NLRP14: variants seen among roughly 807,000 people sequenced by gnomAD.
NLRP14 encodes the protein NACHT, LRR and PYD domains-containing protein 14.
In NLRP14, 105 loss-of-function variants were observed where a neutral mutation model predicts 94.7. That is an observed-to-expected ratio of 1.11 (90% CI 0.95 to 1.30). The LOEUF (loss-of-function observed/expected upper bound fraction) is 1.30. Among genes scored for constraint, NLRP14 ranks in the 50% most tolerant of loss-of-function variants. The pLI, the probability that NLRP14 is intolerant of heterozygous loss-of-function variation, is 0.00. For missense variants in NLRP14, 1,362 were observed against 1,254.1 expected (o/e 1.09, Z -1.30); for synonymous variants, 508 against 459.9 (o/e 1.10, Z -1.34).
chr11:7,071,261 T>TAAC lies in NLRP14; in HGVS notation c.3235_3236insAAC (p.Cys1079delinsTer). 1 of 1,613,320 alleles carries TAAC rather than the reference T, an allele frequency of 6.2e-7. No individual in the cohort carries two copies. The highest frequency in any genetic ancestry group is 1.1e-5 in the South Asian group (1 of 91,028). On this transcript the variant is annotated stop_gained, in exon 12 of 12. Transcript: ENST00000299481. LOFTEE classifies it low-confidence loss of function (END_TRUNC). ...TCCACACTTAATCATTAAGCCAGAT[T>TAAC]GTAACTATCATAATGAAGAAGATGT...
intron 1 of NLRP14, among the ~76,000 whole-genome samples, chr11:7,029,926 T>A (rs1013787899): frequency 2.0e-5 from 3 of 152,216 alleles, no homozygotes; most frequent in African/African-American, 7.2e-5. Flanking sequence ...GTCCTTAGTA[T>A]CAGTTGCCTA....
intron 1 of NLRP14, among the ~76,000 whole-genome samples, chr11:7,021,293 AG>A (rs1851928744): frequency 6.6e-6 from 1 of 152,222 alleles, no homozygotes; most frequent in Admixed American, 6.5e-5. Context: ...TGCTTAAACC[AG>A]CCCCTTGCAC....
At chr11:7,040,368 C>T (rs139066150) in intron 3 of NLRP14, among the ~76,000 whole-genome samples, 56 of 152,306 alleles carry the variant, frequency 3.7e-4, no homozygotes, top group African/African-American at 1.1e-3. Flanking sequence ...CATAGGAGCA[C>T]GAACCCTATT....
At chr11:7,051,134 C>A (rs1852436253) in intron 6 of NLRP14, among the ~76,000 whole-genome samples, 1 of 152,130 alleles carries the variant, frequency 6.6e-6, no homozygotes, top group Non-Finnish European at 1.5e-5. Flanking sequence ...AATAGGAAAC[C>A]ATCTTTCTGG....
At chr11:7,048,113 T>C (rs1265353474) in intron 5 of NLRP14, among the ~76,000 whole-genome samples, 1 of 152,204 alleles carries the variant, frequency 6.6e-6, no homozygotes, top group African/African-American at 2.4e-5. Flanking sequence ...TCCATTTTGT[T>C]GCAACTTTTA....
chr11:7,052,913 A>G (rs117967423), intron 6 of NLRP14, among the ~76,000 whole-genome samples: 4,711 of 152,276 alleles, frequency 0.031, 97 homozygotes, highest in Middle Eastern at 0.068. Flanking sequence ...TGGGAAGACT[A>G]CCAGCAAGCA....
chr11:7,049,629 G>T (rs373293385), intron 5 of NLRP14, 42 bp from the exon 6 acceptor site: 7 of 1,395,840 alleles, frequency 5.0e-6, no homozygotes, highest in Admixed American at 1.7e-5. Flanking sequence ...ACCAAGGAGA[G>T]AAATGGTTTT....
At chr11:7,035,725 C>T (rs1852151641) in intron 1 of NLRP14, among the ~76,000 whole-genome samples, 1 of 152,140 alleles carries the variant, frequency 6.6e-6, no homozygotes, top group South Asian at 2.1e-4. Flanking sequence ...GTGAGATTCC[C>T]TTCTCCCTTT....
intron 5 of NLRP14, among the ~76,000 whole-genome samples, chr11:7,048,198 C>G (rs1273144761): frequency 6.6e-6 from 1 of 152,144 alleles, no homozygotes; most frequent in Non-Finnish European, 1.5e-5. Context: ...TATTCATTCT[C>G]TTGTTAATAG....
Position 7,049,726 on chromosome 11 carries a change from C to T in NLRP14, c.2179C>T (p.His727Tyr). 6.2e-7 allele frequency: 1 copy of T among 1,612,084 alleles called. No homozygotes were observed. Among genetic ancestry groups the T allele is most frequent in the South Asian group, 1.1e-5 (1 of 91,052 alleles). ...GCQDISTSLI[H>Y]NKNLMHLDLK... Reference sequence around the variant, plus strand: ...TCAGGATATCTCTACTTCTTTGATTCATAACAAGAATCTGATGCATCTTGA... The same window carrying T: ...TCAGGATATCTCTACTTCTTTGATTTATAACAAGAATCTGATGCATCTTGA... The change falls in exon 6 of 12, where the codon CAT becomes TAT. Residue 727 changes from histidine to tyrosine, a missense_variant. Coordinates refer to ENST00000299481, the MANE Select transcript of NLRP14 (RefSeq NM_176822.4).
At chr11:7,026,111 TA>T (rs1281577229) in intron 1 of NLRP14, among the ~76,000 whole-genome samples, 1 of 152,180 alleles carries the variant, frequency 6.6e-6, no homozygotes, top group African/African-American at 2.4e-5. Flanking sequence ...ACTTCATGTC[TA>T]AAACACCAAA....
downstream of NLRP14, among the ~76,000 whole-genome samples, chr11:7,074,849 T>A (rs1852855032): frequency 6.6e-6 from 1 of 152,210 alleles, no homozygotes; most frequent in Non-Finnish European, 1.5e-5. Flanking sequence ...GTCAGTGAAA[T>A]TAATGATTAT....
the NLRP14 span, among the ~76,000 whole-genome samples, chr11:7,077,865 G>A: frequency 1.3e-5 from 2 of 152,138 alleles, no homozygotes; most frequent in Non-Finnish European, 2.9e-5. Context: ...TTTGGGTGGG[G>A]ACACAGCCAA....
the NLRP14 span, chr11:7,089,959 G>A: frequency 5.0e-6 from 8 of 1,613,072 alleles, no homozygotes; most frequent in African/African-American, 1.3e-5. Flanking sequence ...GGCTCCCATC[G>A]AGAGCCCTTT....
rs10769762 is a variant in NLRP14 at position 7,070,126 on chromosome 11, A to C, written c.2976-160A>C. Among the ~76,000 whole-genome samples, 98,985 of 152,032 alleles carry C rather than the reference A, an allele frequency of 0.65. 32,892 individuals carry two copies. Among genetic ancestry groups the C allele is most frequent in the East Asian group, 0.93 (4,803 of 5,182 alleles). ...TTCAGCCTAGAAATATCTGGTAATA[A>C]TGAATATTATAGGTACTTATAGTCC... On this transcript the variant is annotated intron_variant, in intron 10 of 11. Coordinates refer to ENST00000299481, the MANE Select transcript of NLRP14 (RefSeq NM_176822.4).
intron 10 of NLRP14, among the ~76,000 whole-genome samples, chr11:7,067,825 G>A (rs1439122771): frequency 6.6e-6 from 1 of 152,096 alleles, no homozygotes; most frequent in African/African-American, 2.4e-5. Context: ...GAGTTCAGGA[G>A]TGTTTCTTAT....
At chr11:7,050,654 A>G (rs190222816) in intron 6 of NLRP14, among the ~76,000 whole-genome samples, 3 of 152,342 alleles carry the variant, frequency 2.0e-5, no homozygotes, top group Admixed American at 2.0e-4. Flanking sequence ...ATCCAGGTGT[A>G]GGAAAAATAA....
At chr11:7,048,186 T>C (rs1852388238) in intron 5 of NLRP14, among the ~76,000 whole-genome samples, 1 of 152,252 alleles carries the variant, frequency 6.6e-6, no homozygotes. Flanking sequence ...CTATAATTTG[T>C]TTATTCATTC....
Position 7,042,846 on chromosome 11 carries a change from G to C in NLRP14, c.820G>C (p.Ala274Pro). 2 of 1,614,188 alleles carry C rather than the reference G, an allele frequency of 1.2e-6. No homozygotes were observed. Among genetic ancestry groups the C allele is most frequent in the Non-Finnish European group, 8.5e-7 (1 of 1,180,034 alleles). ...LNFAFEEPEF[A>P]LCEDWTQEHP... Reference sequence around the variant, plus strand: ...CTTTGCCTTTGAAGAACCTGAGTTTGCACTGTGCGAAGACTGGACCCAAGA... The same window carrying C: ...CTTTGCCTTTGAAGAACCTGAGTTTCCACTGTGCGAAGACTGGACCCAAGA... The change falls in exon 4 of 12, where the codon GCA becomes CCA. Residue 274 changes from alanine (A) to proline (P), a missense_variant. Transcript: ENST00000299481.
Sources: allele counts gnomAD v4.1 joint callset (sites outside exome capture counted in the v4.1 genomes callset), GRCh38; gene constraint gnomAD v4.1.1; transcripts MANE v1.5; gene names NCBI Gene and HGNC (gene_info 2026-07-23, HGNC 2026-07-21).